The following SLX9 variants were observed in gnomAD, a reference collection of about 807,000 sequenced individuals.
SLX9 encodes the protein ribosome biogenesis protein SLX9 homolog.
In SLX9, 19 loss-of-function variants were observed where a neutral mutation model predicts 20.8. The ratio of observed to expected loss-of-function variants is 0.91; its 90% CI spans 0.64 to 1.34. The LOEUF is 1.34. Among genes scored for constraint, SLX9 ranks in the 40% most tolerant of loss-of-function variants. SLX9 has a pLI of 0.00. For missense variants in SLX9, 299 were observed against 322.2 expected (o/e 0.93, Z 0.55); for synonymous variants, 113 against 137.1 (o/e 0.82, Z 1.23).
At chr21:44,946,330 G>A (rs566588863) in intron 2 of SLX9, among the ~76,000 whole-genome samples, 7 of 152,184 alleles carry the variant, frequency 4.6e-5, no homozygotes, top group East Asian at 1.9e-4. Flanking sequence ...CCGTTCTGGC[G>A]CTCCCCAGCC....
At chr21:44,969,468 C>G (rs900923385) in intron 4 of SLX9, among the ~76,000 whole-genome samples, 4 of 152,192 alleles carry the variant, frequency 2.6e-5, no homozygotes, top group African/African-American at 7.2e-5. Context: ...GGCTCTGGGC[C>G]GGGAAGGCAC....
At position 44,944,321 on chromosome 21, in the gene SLX9, G is replaced by A. The variant is rs79349584; in HGVS notation, c.283+484G>A. Among the ~76,000 whole-genome samples the A allele has an allele frequency of 9.1e-3, 1,391 of 152,252 alleles. 30 individuals carry two copies. The highest frequency in any genetic ancestry group is 0.031 in the African/African-American group (1,304 of 41,534). ...ATCAGATCCATGCGCAGCCCTTCCC[G>A]TCTCCTGGTTGTGCTCCTTGCAGCC... On this transcript the variant is annotated intron_variant, in intron 2 of 5. Transcript: ENST00000291634.
chr21:44,945,252 A>T (rs902931161), intron 2 of SLX9, among the ~76,000 whole-genome samples: 1 of 152,218 alleles, frequency 6.6e-6, no homozygotes, highest in Non-Finnish European at 1.5e-5. Context: ...GGACCTGGTG[A>T]GGTGACCAGG....
chr21:44,948,368 G>A (rs988049457), intron 2 of SLX9, among the ~76,000 whole-genome samples: 3 of 151,504 alleles, frequency 2.0e-5, no homozygotes, highest in South Asian at 2.1e-4. Flanking sequence ...TCGGGCGTCC[G>A]GGGAGCTGGT....
At chr21:44,964,675 A>G (rs1216243236) in intron 3 of SLX9, among the ~76,000 whole-genome samples, 1 of 152,206 alleles carries the variant, frequency 6.6e-6, no homozygotes, top group African/African-American at 2.4e-5. Flanking sequence ...CCCAACCCTC[A>G]GTTGTCCTCC....
chr21:44,946,447 C>G (rs2084644199), intron 2 of SLX9, among the ~76,000 whole-genome samples: 1 of 150,424 alleles, frequency 6.6e-6, no homozygotes, highest in African/African-American at 2.5e-5. Context: ...ATTATTTGAG[C>G]CGTGCGGCAG....
intron 2 of SLX9, among the ~76,000 whole-genome samples, chr21:44,951,037 G>T (rs2084748018): frequency 6.6e-6 from 1 of 152,138 alleles, no homozygotes; most frequent in Non-Finnish European, 1.5e-5. Context: ...AGTGCAGCAG[G>T]CTAAGCCTTC....
Position 44,940,131 on chromosome 21 carries a change from G to A in SLX9, c.74G>A (p.Gly25Asp), listed in dbSNP as rs1370073405. 4 of 1,354,408 alleles carry A rather than the reference G, an allele frequency of 3.0e-6. No homozygotes were observed. In the African/African-American group the frequency reaches 4.6e-5, roughly 15 times the overall value. 83.9% of individuals were successfully genotyped at this position (1,354,408 alleles called of 1,614,324 possible). A position where few individuals can be genotyped will look rare whatever the true frequency, so the allele number is the denominator to read the frequency against. ...AVRPKGEAAPGPAPPAPEATP... is the reference protein window; with the variant it reads ...AVRPKGEAAPDPAPPAPEATP... Reference sequence around the variant, plus strand: ...AGGCCGAAAGGGGAGGCCGCCCCCGGCCCCGCGCCCCCTGCCCCGGAGGCG... The same window carrying A: ...AGGCCGAAAGGGGAGGCCGCCCCCGACCCCGCGCCCCCTGCCCCGGAGGCG... The change falls in exon 1 of 6, where the codon GGC (glycine) becomes GAC (aspartate). Residue 25 changes from glycine to aspartate, a missense_variant. By Grantham distance (94) the Gly-to-Asp change is moderately conservative. Transcript: ENST00000291634.
At chr21:44,967,466 A>T (rs1472418561) in intron 4 of SLX9, among the ~76,000 whole-genome samples, 2 of 151,482 alleles carry the variant, frequency 1.3e-5, no homozygotes, top group African/African-American at 4.9e-5. Flanking sequence ...CTCCCCCGAC[A>T]TTGACCACAG....
chr21:44,969,412 C>A, intron 4 of SLX9: 1 of 350,740 alleles, frequency 2.9e-6, no homozygotes, highest in Non-Finnish European at 5.8e-6. Flanking sequence ...GCTGTATCAA[C>A]ACCCAGCCCC....
intron 4 of SLX9, among the ~76,000 whole-genome samples, chr21:44,972,075 A>G (rs2085160790): frequency 6.6e-6 from 1 of 152,176 alleles, no homozygotes; most frequent in Non-Finnish European, 1.5e-5. Context: ...TGTCATTCAT[A>G]TTTTAAGAGA....
intron 3 of SLX9, among the ~76,000 whole-genome samples, chr21:44,962,150 C>T (rs1568940054): frequency 6.6e-6 from 1 of 151,648 alleles, no homozygotes; most frequent in African/African-American, 2.4e-5. Flanking sequence ...GTTCATGGTT[C>T]TTTTTTTTTC....
At chr21:44,965,594 G>A (rs1045219171) in intron 3 of SLX9, among the ~76,000 whole-genome samples, 1 of 152,218 alleles carries the variant, frequency 6.6e-6, no homozygotes, top group African/African-American at 2.4e-5. Flanking sequence ...CACTGGTGGT[G>A]GTGACCATAG....
intron 2 of SLX9, among the ~76,000 whole-genome samples, chr21:44,955,968 TG>T (rs150039132): frequency 0.041 from 6,249 of 152,348 alleles, 217 homozygotes; most frequent in East Asian, 0.15. Flanking sequence ...GCCTGCGGCC[TG>T]TACCTTTGGA....
At chr21:44,964,226 C>G (rs141663749) in intron 3 of SLX9, among the ~76,000 whole-genome samples, 1,826 of 152,242 alleles carry the variant, frequency 0.012, 38 homozygotes, top group African/African-American at 0.041. Flanking sequence ...AAATACTAAT[C>G]TTGTATCCTA....
At chr21:44,950,263 C>A (rs2084731051) in intron 2 of SLX9, among the ~76,000 whole-genome samples, 1 of 138,164 alleles carries the variant, frequency 7.2e-6, no homozygotes, top group African/African-American at 2.8e-5. Flanking sequence ...TTTTTTAAGA[C>A]CTTTTTTTAC....
chr21:44,954,592 C>T (rs2084820577), intron 2 of SLX9, among the ~76,000 whole-genome samples: 1 of 152,164 alleles, frequency 6.6e-6, no homozygotes, highest in Non-Finnish European at 1.5e-5. Flanking sequence ...GCACAGGGCC[C>T]AGTGGTGGAA....
chr21:44,943,778 C>T lies in SLX9; in HGVS notation c.224C>T (p.Thr75Ile), dbSNP rs754268973. 3 of 1,614,152 alleles carry T rather than the reference C, an allele frequency of 1.9e-6. No individual in the cohort carries two copies. Among genetic ancestry groups the T allele is most frequent in the Admixed American group, 1.7e-5 (1 of 60,030 alleles). Residue 75 changes from threonine to isoleucine, a missense_variant, in exon 2 of 6, where the codon ACT (threonine) becomes ATT (isoleucine). Coordinates refer to ENST00000291634, the MANE Select transcript of SLX9 (RefSeq NM_058190.4). ...QKLELDVRSVTSVRRGEAGSS... is the reference protein window; with the variant it reads ...QKLELDVRSVISVRRGEAGSS... ...CTGGAGCTGGACGTGAGGAGTGTCA[C>T]TTCCGTCAGGAGAGGTGAGGCAGGC...
At position 44,976,765 on chromosome 21, in the gene SLX9, G is replaced by A. The variant is rs1376498259; in HGVS notation, c.655G>A (p.Ala219Thr). 1 of 1,552,802 alleles carries A rather than the reference G, an allele frequency of 6.4e-7. No individual in the cohort carries two copies. Among genetic ancestry groups the A allele is most frequent in the East Asian group, 2.4e-5 (1 of 41,458 alleles). ...CCTGGTGGCCATCGGGCAGACGCTG[G>A]CCCGGCAGATGCAGCTGGAAGATGG... Reference protein sequence around the residue: ...SPLVAIGQTLARQMQLEDGGQ... With the variant: ...SPLVAIGQTLTRQMQLEDGGQ... The change falls in exon 6 of 6, where the codon GCC (alanine) becomes ACC (threonine). Residue 219 changes from alanine to threonine, a missense_variant. By Grantham distance (58) the Ala-to-Thr change is moderately conservative. Transcript: ENST00000291634.
Sources: allele counts gnomAD v4.1 joint callset (sites outside exome capture counted in the v4.1 genomes callset), GRCh38; gene constraint gnomAD v4.1.1; transcripts MANE v1.5; gene names NCBI Gene and HGNC (gene_info 2026-07-23, HGNC 2026-07-21).